PKD2: variants seen among roughly 807,000 people sequenced by gnomAD.
The protein encoded by PKD2 is polycystin-2.
Under a neutral mutation model 105.9 loss-of-function variants are expected in PKD2, and 48 were observed. The ratio of observed to expected loss-of-function variants is 0.45; its 90% CI spans 0.36 to 0.58. The LOEUF (loss-of-function observed/expected upper bound fraction) is 0.58. Among genes scored for constraint, PKD2 ranks in the 20% least tolerant of loss-of-function variants. PKD2 has a pLI of 0.00. For missense variants in PKD2, 1,078 were observed against 1,255.3 expected, an observed-to-expected ratio of 0.86 and a Z score of 2.13; for synonymous variants, 464 against 481.1, an observed-to-expected ratio of 0.96 and a Z score of 0.46.
Position 88,008,197 on chromosome 4 carries a change from G to C in PKD2, c.464G>C (p.Arg155Pro). 1 of 1,361,882 alleles carries C rather than the reference G, an allele frequency of 7.3e-7. No homozygotes were observed. The highest frequency in any genetic ancestry group is 1.8e-5 in the South Asian group (1 of 54,792). The allele number at this position is 1,361,882 out of a possible 1,614,324, so 84.4% of individuals were successfully genotyped here. A position where few individuals can be genotyped will look rare whatever the true frequency, so the allele number is the denominator to read the frequency against. Residue 155 changes from arginine (R) to proline (P), a missense_variant, in exon 1 of 15, where the codon CGC (arginine) becomes CCC (proline). This residue lies in a region of PKD2 where 868 missense variants were observed against 1,067.3 expected (regional missense o/e 0.81). Transcript: ENST00000237596. Reference sequence around the variant, plus strand: ...GCGGGCCACCCGAGCGGGAGGCGGCGCCGGCGAGAGGACCAGGGCCCGCCG... The same window carrying C: ...GCGGGCCACCCGAGCGGGAGGCGGCCCCGGCGAGAGGACCAGGGCCCGCCG... Reference protein sequence around the residue: ...HGAGHPSGRRRRREDQGPPCP... With the variant: ...HGAGHPSGRRPRREDQGPPCP...
chr4:88,018,027 T>TAATATTC (rs1726618725), intron 1 of PKD2, among the ~76,000 whole-genome samples: 1 of 152,230 alleles, frequency 6.6e-6, no homozygotes, highest in African/African-American at 2.4e-5. Context: ...ATTTTCCATG[T>TAATATTC]CATCTAAATT....
chr4:88,008,402 G>A, intron 1 of PKD2, 74 bp downstream of exon 1: 1 of 1,454,696 alleles, frequency 6.9e-7, no homozygotes, highest in Non-Finnish European at 9.1e-7. Context: ...ATCGCCCGCT[G>A]CGGCAGCTCC....
At chr4:88,062,580 A>T (rs569475638) in intron 10 of PKD2, among the ~76,000 whole-genome samples, 7 of 152,344 alleles carry the variant, frequency 4.6e-5, no homozygotes, top group African/African-American at 1.7e-4. Context: ...AGGGCAGGAC[A>T]GGAAAGTTGG....
At chr4:88,046,923 C>A in intron 6 of PKD2, 53 bp downstream of exon 6, 1 of 1,041,718 alleles carries the variant, frequency 9.6e-7, no homozygotes, top group Non-Finnish European at 1.5e-6. Flanking sequence ...AGCATGTTAA[C>A]TAGAGTCTTT....
intron 1 of PKD2, among the ~76,000 whole-genome samples, chr4:88,008,635 GTT>G (rs1287898854): frequency 6.9e-6 from 1 of 145,916 alleles, no homozygotes; most frequent in Admixed American, 6.8e-5. Flanking sequence ...TCTGGGTTTT[GTT>G]TTTTTTTTTC....
intron 3 of PKD2, among the ~76,000 whole-genome samples, chr4:88,037,978 T>A (rs1727401874): frequency 6.6e-6 from 1 of 152,176 alleles, no homozygotes; most frequent in Non-Finnish European, 1.5e-5. Flanking sequence ...CTGCCACGTA[T>A]TAAGTACCCA....
At chr4:88,050,287 TATTCAGCGAG>T (rs1294959467) in intron 6 of PKD2, among the ~76,000 whole-genome samples, 2 of 152,170 alleles carry the variant, frequency 1.3e-5, no homozygotes, top group Admixed American at 6.5e-5. Context: ...CTAATTCATT[TATTCAGCGAG>T]TGTTTTCTGA....
intron 6 of PKD2, among the ~76,000 whole-genome samples, chr4:88,048,269 AT>A (rs1376650052): frequency 6.6e-6 from 1 of 152,162 alleles, no homozygotes; most frequent in East Asian, 1.9e-4. Context: ...TATGAGAGTT[AT>A]TCTTTCCCTC....
At chr4:88,041,836 C>T (rs1727576056) in intron 4 of PKD2, among the ~76,000 whole-genome samples, 1 of 152,152 alleles carries the variant, frequency 6.6e-6, no homozygotes, top group Non-Finnish European at 1.5e-5. Context: ...AGCCAAAGTC[C>T]AACCTTGCAA....
intron 2 of PKD2, among the ~76,000 whole-genome samples, chr4:88,025,956 T>C (rs891793561): frequency 4.6e-5 from 7 of 152,266 alleles, no homozygotes; most frequent in Admixed American, 2.6e-4. Flanking sequence ...CATTTGGAAC[T>C]GTAAGTCAAT....
At chr4:88,030,100 C>T (rs1727092096) in intron 2 of PKD2, among the ~76,000 whole-genome samples, 3 of 152,126 alleles carry the variant, frequency 2.0e-5, no homozygotes, top group Admixed American at 6.5e-5. Flanking sequence ...TTAGAATTTC[C>T]AAGAGCTGCT....
At position 88,065,275 on chromosome 4, in the gene PKD2, C is replaced by T. The variant is rs1015075888; in HGVS notation, c.2119-99C>T. On this transcript the variant is annotated intron_variant, in intron 10 of 14. Transcript: ENST00000237596. ...ACGTACTTGTTGAATGGCCAATGTA[C>T]ACCAGGTTTGTAGTAGTTACTACTG... The T allele has an allele frequency of 9.7e-6, 10 of 1,031,016 alleles. No individual in the cohort carries two copies. The Admixed American group carries it at 1.0e-4, about 11-fold the overall frequency. The allele number at this position is 1,031,016 out of a possible 1,614,324, so 63.9% of individuals were successfully genotyped here.
At chr4:88,012,657 ATTTATT>A (rs1444026643) in intron 1 of PKD2, among the ~76,000 whole-genome samples, 7 of 151,136 alleles carry the variant, frequency 4.6e-5, no homozygotes, top group African/African-American at 1.7e-4. Flanking sequence ...ACTTAACACA[ATTTATT>A]TCCAGAACTT....
At chr4:88,075,158 T>C (rs1721187131) in intron 14 of PKD2, among the ~76,000 whole-genome samples, 199 bp downstream of exon 14, 1 of 152,236 alleles carries the variant, frequency 6.6e-6, no homozygotes, top group Non-Finnish European at 1.5e-5. Context: ...ATAAAATCTC[T>C]TGCTATAAAA....
chr4:88,056,056 T>C, intron 7 of PKD2, 30 bp from the exon 8 acceptor site: 1 of 1,390,460 alleles, frequency 7.2e-7, no homozygotes, highest in South Asian at 1.2e-5. Context: ...GTTTATCCAT[T>C]CATCTATTGA....
chr4:88,073,300 G>T (rs1042707679), intron 13 of PKD2, among the ~76,000 whole-genome samples: 2 of 151,884 alleles, frequency 1.3e-5, no homozygotes, highest in Non-Finnish European at 2.9e-5. Flanking sequence ...GCAGGCAGGC[G>T]GATCACCTGA....
chr4:88,013,618 C>T (rs534809750), intron 1 of PKD2, among the ~76,000 whole-genome samples: 380 of 151,954 alleles, frequency 2.5e-3, no homozygotes, highest in Non-Finnish European at 3.7e-3. Flanking sequence ...GGGAGAATCA[C>T]CTGAGCCTGG....
At chr4:88,073,528 A>AC (rs2110149192) in intron 13 of PKD2, among the ~76,000 whole-genome samples, 1 of 151,794 alleles carries the variant, frequency 6.6e-6, no homozygotes, top group African/African-American at 2.4e-5. Flanking sequence ...TCTGTCTCAA[A>AC]AAAAAAAAAA....
At chr4:88,056,599 T>G (rs1332897537) in intron 8 of PKD2, among the ~76,000 whole-genome samples, 2 of 152,232 alleles carry the variant, frequency 1.3e-5, no homozygotes, top group Non-Finnish European at 2.9e-5. Flanking sequence ...CTTACTCCTG[T>G]TGAATATTGT....
Sources: allele counts gnomAD v4.1 joint callset (sites outside exome capture counted in the v4.1 genomes callset), GRCh38; gene constraint gnomAD v4.1.1; regional missense constraint gnomAD v4.1.1; transcripts MANE v1.5; gene names NCBI Gene and HGNC (gene_info 2026-07-23, HGNC 2026-07-21).